The following CFAP58 variants were observed in gnomAD, a reference collection of about 807,000 sequenced individuals.
CFAP58 encodes the protein cilia- and flagella-associated protein 58.
Under a neutral mutation model 119.5 loss-of-function variants are expected in CFAP58, and 88 were observed. The ratio of observed to expected loss-of-function variants is 0.74; its 90% CI spans 0.62 to 0.88. CFAP58 has a LOEUF of 0.88. CFAP58 is among the 40% of genes least tolerant of loss of function. CFAP58 has a pLI of 0.00. For synonymous variants in CFAP58, 365 were observed against 366.3 expected, an observed-to-expected ratio of 1.00 and a Z score of 0.04; for missense variants, 990 against 1,021.2, an observed-to-expected ratio of 0.97 and a Z score of 0.42.
chr10:104,453,106 A>G (rs1470144883), intron 17 of CFAP58, among the ~76,000 whole-genome samples: 1 of 152,298 alleles, frequency 6.6e-6, no homozygotes, highest in East Asian at 1.9e-4. Context: ...CAGAAGCATT[A>G]AGCGTAAGCT....
At chr10:104,414,024 A>G (rs145667895) in intron 15 of CFAP58, among the ~76,000 whole-genome samples, 252 of 152,260 alleles carry the variant, frequency 1.7e-3, no homozygotes, top group African/African-American at 5.2e-3. Flanking sequence ...GCATGCCATG[A>G]TCAGAAACAG....
chr10:104,356,987 T>C (rs1236629435), intron 1 of CFAP58, among the ~76,000 whole-genome samples: 2 of 152,194 alleles, frequency 1.3e-5, no homozygotes, highest in Non-Finnish European at 2.9e-5. Context: ...AAGAAGTAGG[T>C]GGATTTGTTT....
Position 104,358,471 on chromosome 10 carries a change from A to G in CFAP58, c.140A>G (p.His47Arg), listed in dbSNP as rs1246199923. The change falls in exon 2 of 18, where the codon CAT becomes CGT. Residue 47 changes from histidine (H) to arginine (R), a missense_variant. Physicochemically the swap from His to Arg is conservative, Grantham distance 29. Transcript: ENST00000369704. ...EKFRIEYERL[H>R]AVMKKSYDNE... Reference sequence around the variant, plus strand: ...TTTCGGATTGAATATGAGAGGCTTCATGCTGTCATGAAAAAGTCTTATGAC... The same window carrying G: ...TTTCGGATTGAATATGAGAGGCTTCGTGCTGTCATGAAAAAGTCTTATGAC... 2.5e-6 allele frequency: 4 copies of G among 1,613,978 alleles called. No homozygotes were observed. The highest frequency in any genetic ancestry group is 3.3e-5 in the Admixed American group (2 of 59,998).
chr10:104,358,379 T>G lies in CFAP58; in HGVS notation c.48T>G (p.Phe16Leu). Reference protein sequence around the residue: ...GGKQVLEESAFEEMERDFQGV... With the variant: ...GGKQVLEESALEEMERDFQGV... ...AGCAAGTCCTGGAAGAATCTGCATT[T>G]GAAGAAATGGAAAGAGATTTTCAGG... The change falls in exon 2 of 18, where the codon TTT (phenylalanine) becomes TTG (leucine). Residue 16 changes from phenylalanine (F) to leucine (L), a missense_variant. Phe to Leu is a conservative substitution (Grantham distance 22, BLOSUM62 0). Coordinates refer to ENST00000369704, the MANE Select transcript of CFAP58 (RefSeq NM_001008723.2). 4.3e-6 allele frequency: 7 copies of G among 1,613,802 alleles called. No homozygotes were observed. Among genetic ancestry groups the G allele is most frequent in the Non-Finnish European group, 5.9e-6 (7 of 1,179,900 alleles).
chr10:104,355,823 C>T (rs2014536464), intron 1 of CFAP58, among the ~76,000 whole-genome samples: 2 of 152,232 alleles, frequency 1.3e-5, no homozygotes, highest in South Asian at 4.1e-4. Flanking sequence ...GAACAAATCT[C>T]TTTTGTTCCT....
intron 15 of CFAP58, among the ~76,000 whole-genome samples, chr10:104,429,275 A>G (rs2012803648): frequency 6.6e-6 from 1 of 152,100 alleles, no homozygotes; most frequent in Non-Finnish European, 1.5e-5. Context: ...GGCAGAGGCT[A>G]ATGTGCTGGT....
chr10:104,431,897 T>A (rs944662990), intron 15 of CFAP58, among the ~76,000 whole-genome samples: 8 of 152,212 alleles, frequency 5.3e-5, no homozygotes, highest in African/African-American at 1.7e-4. Flanking sequence ...TTGAGACCTA[T>A]CCTTGATACA....
intron 4 of CFAP58, 33 bp from the exon 5 acceptor site, chr10:104,365,779 ATC>A: frequency 6.4e-7 from 1 of 1,568,382 alleles, no homozygotes; most frequent in Non-Finnish European, 8.6e-7. Context: ...GTCAGGGCTC[ATC>A]TCTTTCTCTC....
chr10:104,432,018 CA>C (rs1361565775), intron 15 of CFAP58, among the ~76,000 whole-genome samples: 6 of 151,952 alleles, frequency 3.9e-5, no homozygotes, highest in Admixed American at 3.9e-4. Context: ...AAAAGTGTTT[CA>C]GGGGCATCCC....
intron 15 of CFAP58, among the ~76,000 whole-genome samples, chr10:104,436,384 C>T (rs1025456088): frequency 7.2e-5 from 11 of 152,122 alleles, no homozygotes; most frequent in Admixed American, 1.3e-4. Context: ...TGAAGAAATA[C>T]CCAAGACTCG....
chr10:104,359,372 A>G (rs1437825977), intron 2 of CFAP58, among the ~76,000 whole-genome samples: 7 of 152,218 alleles, frequency 4.6e-5, no homozygotes, highest in African/African-American at 1.7e-4. Context: ...AACGATTATC[A>G]ATTCTCTTAG....
At chr10:104,341,815 C>T in the CFAP58 span, among the ~76,000 whole-genome samples, 7 of 151,992 alleles carry the variant, frequency 4.6e-5, no homozygotes, top group African/African-American at 7.2e-5. Flanking sequence ...AATTTGGCAT[C>T]GACATATAAA....
intron 15 of CFAP58, among the ~76,000 whole-genome samples, chr10:104,443,356 C>A (rs1400193581): frequency 6.6e-6 from 1 of 152,188 alleles, no homozygotes; most frequent in Non-Finnish European, 1.5e-5. Context: ...ACTCAAGCAT[C>A]TGAGTGGGTA....
Position 104,400,803 on chromosome 10 carries a change from C to A in CFAP58, c.1939C>A (p.Gln647Lys). 1.9e-6 allele frequency: 3 copies of A among 1,614,088 alleles called. No homozygotes were observed. Among genetic ancestry groups the A allele is most frequent in the Non-Finnish European group, 2.5e-6 (3 of 1,180,014 alleles). ...GAATAAAGGGGAGAGCCAGTACAAC[C>A]AGAGGTTGGAGGACATGAGAATCCT... Reference protein sequence around the residue: ...VLNKGESQYNQRLEDMRILRL... With the variant: ...VLNKGESQYNKRLEDMRILRL... The change falls in exon 13 of 18, where the codon CAG becomes AAG. Residue 647 changes from glutamine to lysine, a missense_variant. Physicochemically the swap from Gln to Lys is moderately conservative, Grantham distance 53. Coordinates refer to ENST00000369704, the MANE Select transcript of CFAP58 (RefSeq NM_001008723.2).
At chr10:104,373,729 AGAAAT>A (rs1224957154) in intron 7 of CFAP58, among the ~76,000 whole-genome samples, 2 of 152,182 alleles carry the variant, frequency 1.3e-5, no homozygotes, top group African/African-American at 4.8e-5. Flanking sequence ...ATATGAAAAT[AGAAAT>A]GAAATAGAAT....
At chr10:104,341,664 A>G in the CFAP58 span, among the ~76,000 whole-genome samples, 1 of 151,590 alleles carries the variant, frequency 6.6e-6, no homozygotes, top group East Asian at 1.9e-4. Flanking sequence ...GTTTATAAAT[A>G]TATAAATTAT....
At chr10:104,376,742 C>A in intron 7 of CFAP58, 69 bp from the exon 8 acceptor site, 1 of 1,266,014 alleles carries the variant, frequency 7.9e-7, no homozygotes, top group Non-Finnish European at 1.1e-6. Flanking sequence ...TTTTGTATCA[C>A]TTCGGCTTTT....
chr10:104,355,311 G>C (rs74154790), intron 1 of CFAP58, among the ~76,000 whole-genome samples: 6,871 of 152,190 alleles, frequency 0.045, 472 homozygotes, highest in African/African-American at 0.15. Flanking sequence ...AGAGGCACCA[G>C]CCCCTCATTT....
Position 104,438,335 on chromosome 10 carries a change from TTTTTTGTTTTTTG to T in CFAP58, c.2257-9357_2257-9345del, listed in dbSNP as rs1216695414. Among the ~76,000 whole-genome samples the T allele has an allele frequency of 2.7e-4, 36 of 132,758 alleles. No homozygotes were observed. In the East Asian group the frequency reaches 2.9e-3, roughly 11 times the overall value. The allele number at this position is 132,758 out of a possible 152,430, so 87.1% of individuals were successfully genotyped here. On this transcript the variant is annotated intron_variant, in intron 15 of 17. Transcript: ENST00000369704. Reference sequence around the variant, plus strand: ...AATGGGAATTTTTATTGTTTTTTTGTTTTTTGTTTTTTGTTTTTTTTTTTTGTTTTTTTTTTTT... The same window carrying T: ...AATGGGAATTTTTATTGTTTTTTTGTTTTTTTTTTTTTGTTTTTTTTTTTT...
Sources: allele counts gnomAD v4.1 joint callset (sites outside exome capture counted in the v4.1 genomes callset), GRCh38; gene constraint gnomAD v4.1.1; transcripts MANE v1.5; gene names NCBI Gene and HGNC (gene_info 2026-07-23, HGNC 2026-07-21).